Variants in KCNQ1 observed in about 807,000 individuals in gnomAD.
KCNQ1 encodes potassium voltage-gated channel subfamily KQT member 1.
Under a neutral mutation model 72.4 loss-of-function variants are expected in KCNQ1, and 49 were observed. The ratio of observed to expected loss-of-function variants is 0.68; its 90% CI spans 0.54 to 0.86. The LOEUF (loss-of-function observed/expected upper bound fraction) is 0.86, where lower values mean the gene tolerates loss of function less well. Among genes scored for constraint, KCNQ1 ranks in the 40% least tolerant of loss-of-function variants. The pLI is 0.00. For synonymous variants in KCNQ1, 450 were observed against 412.6 expected (o/e 1.09, Z -1.10); for missense variants, 790 against 945.1 (o/e 0.84, Z 2.15).
Position 2,647,386 on chromosome 11 carries a change from T to C in KCNQ1, c.1394-14575T>C. The C allele has an allele frequency of 2.5e-6, 1 of 398,576 alleles. No individual in the cohort carries two copies. The highest frequency in any genetic ancestry group is 4.4e-6 in the Non-Finnish European group (1 of 226,026). 24.7% of individuals were successfully genotyped at this position (398,576 alleles called of 1,614,324 possible). A position where few individuals can be genotyped will look rare whatever the true frequency, so the allele number is the denominator to read the frequency against. The stretch of plus-strand genomic sequence containing the variant: ...ATTGGATTCAGATTGCTAGTTTGTG[T>C]GTCTGTGTGTGTGTTTTGTTTCTGA... On this transcript the variant is annotated intron_variant, in intron 10 of 15. Transcript: ENST00000155840. The surrounding 1 kb of genome is among the most constrained non-coding windows in gnomAD (Gnocchi z 4.0).
intron 11 of KCNQ1, among the ~76,000 whole-genome samples, chr11:2,708,731 T>G (rs183101412): frequency 2.3e-4 from 35 of 152,240 alleles, no homozygotes; most frequent in Non-Finnish European, 4.9e-4. Flanking sequence ...GGCGGTCCAT[T>G]TCCATCTCCC....
chr11:2,827,633 A>AAG lies in KCNQ1; in HGVS notation c.1795-20134_1795-20133insAG, dbSNP rs1847865425. On this transcript the variant is annotated intron_variant, in intron 15 of 15. Transcript: ENST00000155840. The surrounding 1 kb of genome is among the most constrained non-coding windows in gnomAD (Gnocchi z 6.7). ...AGGGTTCTGTTGATTAAAAAAAAAA[A>AAG]GTGGGGTCGGGGGGGCGGGGGAGAG... Among the ~76,000 whole-genome samples the AAG allele has an allele frequency of 7.9e-5, 1 of 12,664 alleles. No individual in the cohort carries two copies. The highest frequency in any genetic ancestry group is 1.5e-4 in the Non-Finnish European group (1 of 6,460). The allele number at this position is 12,664 out of a possible 152,430, so 8.3% of individuals were successfully genotyped here. A position where few individuals can be genotyped will look rare whatever the true frequency, so the allele number is the denominator to read the frequency against.
In KCNQ1 at chr11:2,817,013, A is replaced by T. The variant is rs1386035884; in HGVS notation, c.1795-30754A>T. Among the ~76,000 whole-genome samples the T allele has an allele frequency of 1.3e-5, 2 of 152,030 alleles. No individual in the cohort carries two copies. The highest frequency in any genetic ancestry group is 1.3e-4 in the Admixed American group (2 of 15,272). Reference sequence around the variant, plus strand: ...GTGTCAGGGCTTGAGGTCAACAGGGAGGTCTCAGGGCAACAGAGCCCAGTG... The same window carrying T: ...GTGTCAGGGCTTGAGGTCAACAGGGTGGTCTCAGGGCAACAGAGCCCAGTG... On this transcript the variant is annotated intron_variant, in intron 15 of 15. Transcript: ENST00000155840. This position sits in a 1 kb window ranked among gnomAD's most constrained non-coding sequence, Gnocchi z 6.1.
Position 2,698,130 on chromosome 11 carries a change from G to C in KCNQ1, c.1514+36049G>C. 3 of 398,666 alleles carry C rather than the reference G, an allele frequency of 7.5e-6. No homozygotes were observed. The highest frequency in any genetic ancestry group is 1.3e-5 in the Non-Finnish European group (3 of 226,078). The allele number at this position is 398,666 out of a possible 1,614,324, so 24.7% of individuals were successfully genotyped here. A position where few individuals can be genotyped will look rare whatever the true frequency, so the allele number is the denominator to read the frequency against. ...CAGGCTCTTGGCTGGGTACAGAGCA[G>C]GCAGCAGAAAACAAAACAGAGTTCC... On this transcript the variant is annotated intron_variant, in intron 11 of 15. Transcript: ENST00000155840. This position sits in a 1 kb window ranked among gnomAD's most constrained non-coding sequence, Gnocchi z 5.1.
intron 11 of KCNQ1, chr11:2,689,413 A>G (rs1172706777): frequency 5.0e-6 from 2 of 398,440 alleles, no homozygotes; most frequent in Non-Finnish European, 8.8e-6. Context: ...GGAAATGGGG[A>G]GCATAGGGGA....
chr11:2,553,830 C>G (rs891639092), intron 2 of KCNQ1, among the ~76,000 whole-genome samples: 2 of 152,108 alleles, frequency 1.3e-5, no homozygotes, highest in African/African-American at 2.4e-5. Context: ...ATTCTCCTGC[C>G]TCAGCCTCCC....
chr11:2,630,513 A>T (rs2133815610), intron 10 of KCNQ1: 2 of 398,352 alleles, frequency 5.0e-6, no homozygotes, highest in South Asian at 2.5e-4. Flanking sequence ...TGATGCCCCA[A>T]GGTACACCTT....
intron 11 of KCNQ1, chr11:2,684,290 T>C (rs773427330): frequency 1.0e-5 from 4 of 398,582 alleles, no homozygotes; most frequent in Non-Finnish European, 1.8e-5. Flanking sequence ...GGCTGGAGCA[T>C]TGCAACTCAT....
rs163149 is a variant in KCNQ1, at chr11:2,776,200, G to C, written c.1685+146G>C. The C allele has an allele frequency of 0.51, 357,248 of 700,374 alleles. 92,541 individuals carry two copies. Among genetic ancestry groups the C allele is most frequent in the South Asian group, 0.59 (33,758 of 56,790 alleles). The allele number at this position is 700,374 out of a possible 1,614,324, so 43.4% of individuals were successfully genotyped here. A position where few individuals can be genotyped will look rare whatever the true frequency, so the allele number is the denominator to read the frequency against. ...CACCCCCTTCTCCTCACCACCCCCA[G>C]CCCTGCAGAGGGAGGGCAGCTGGCC... is the stretch of plus-strand genomic sequence containing the variant. On this transcript the variant is annotated intron_variant, in intron 13 of 15. Coordinates refer to ENST00000155840, the MANE Select transcript of KCNQ1 (RefSeq NM_000218.3).
chr11:2,571,263 C>G, intron 3 of KCNQ1, 62 bp from the exon 4 acceptor site: 1 of 1,370,272 alleles, frequency 7.3e-7, no homozygotes, highest in Non-Finnish European at 1.0e-6. Context: ...AGGGTGTATG[C>G]TCTTCCCTGG....
intron 15 of KCNQ1, among the ~76,000 whole-genome samples, chr11:2,794,088 C>G (rs528801835): frequency 4.6e-5 from 7 of 152,118 alleles, no homozygotes; most frequent in Non-Finnish European, 1.0e-4. Flanking sequence ...ATGGCCCGGC[C>G]GGGCCAAGGA....
In KCNQ1 at chr11:2,633,964, CA is replaced by C. The variant is rs1325118883; in HGVS notation, c.1394-27996del. 3.1e-4 allele frequency: 122 copies of C among 398,450 alleles called. No individual in the cohort carries two copies. Among genetic ancestry groups the C allele is most frequent in the African/African-American group, 2.3e-3 (113 of 48,618 alleles). 24.7% of individuals were successfully genotyped at this position (398,450 alleles called of 1,614,324 possible). A position where few individuals can be genotyped will look rare whatever the true frequency, so the allele number is the denominator to read the frequency against. On this transcript the variant is annotated intron_variant, in intron 10 of 15. Transcript: ENST00000155840. ...AAATCCACGTATAAATGAACCTATA[CA>C]GTTCAAATCTATGTTGTTGAAGAGT...
rs1335092563 is a variant in KCNQ1 at position 2,690,983 on chromosome 11, A to G, written c.1514+28902A>G. The G allele has an allele frequency of 5.0e-6, 2 of 398,582 alleles. No homozygotes were observed. The highest frequency in any genetic ancestry group is 4.1e-5 in the African/African-American group (2 of 48,654). The allele number at this position is 398,582 out of a possible 1,614,324, so 24.7% of individuals were successfully genotyped here. On this transcript the variant is annotated intron_variant, in intron 11 of 15. Coordinates refer to ENST00000155840, the MANE Select transcript of KCNQ1 (RefSeq NM_000218.3). This position sits in a 1 kb window ranked among gnomAD's most constrained non-coding sequence, Gnocchi z 5.1. ...GGGTATGTGTCAACAAAAGCCCACC[A>G]GACCATCAATGAAGTGGGCAAAAGC...
At position 2,471,292 on chromosome 11, in the gene KCNQ1, C is replaced by G. The variant is rs930717663; in HGVS notation, c.386+25808C>G. On this transcript the variant is annotated intron_variant, in intron 1 of 15. Transcript: ENST00000155840. This position sits in a 1 kb window ranked among gnomAD's most constrained non-coding sequence, Gnocchi z 4.8. Reference sequence around the variant, plus strand: ...GTGTTGCTCTGCAAGTGGGGATCAGCAGGGCTGTACCCCAAATGCTGCTTG... The same window carrying G: ...GTGTTGCTCTGCAAGTGGGGATCAGGAGGGCTGTACCCCAAATGCTGCTTG... Among the ~76,000 whole-genome samples, 1 of 152,096 alleles carries G rather than the reference C, an allele frequency of 6.6e-6. No homozygotes were observed. Among genetic ancestry groups the G allele is most frequent in the African/African-American group, 2.4e-5 (1 of 41,412 alleles).
intron 1 of KCNQ1, among the ~76,000 whole-genome samples, chr11:2,504,406 T>C (rs984272713): frequency 3.9e-5 from 6 of 151,994 alleles, no homozygotes. Context: ...TAAAACCTGG[T>C]ATTTGATAGC....
chr11:2,448,384 G>A (rs1196131706), intron 1 of KCNQ1, among the ~76,000 whole-genome samples: 1 of 152,212 alleles, frequency 6.6e-6, no homozygotes, highest in Non-Finnish European at 1.5e-5. Flanking sequence ...ACCCTCGCGG[G>A]TGCGTGTTAA....
In KCNQ1 at chr11:2,552,600, G is replaced by T. The variant is rs117743569; in HGVS notation, c.478-18028G>T. On this transcript the variant is annotated intron_variant, in intron 2 of 15. Coordinates refer to ENST00000155840, the MANE Select transcript of KCNQ1 (RefSeq NM_000218.3). The stretch of plus-strand genomic sequence containing the variant: ...GTCAATTCTACCAAAAAAAAAATTG[G>T]CTAGAATTTTGATTGGCATTGCATT... Among the ~76,000 whole-genome samples, 132 of 152,322 alleles carry T rather than the reference G, an allele frequency of 8.7e-4. 1 individual carries two copies. In the East Asian group the frequency reaches 0.016, roughly 18 times the overall value.
At position 2,803,007 on chromosome 11, in the gene KCNQ1, G is replaced by T. The variant is rs1404623398; in HGVS notation, c.1794+24970G>T. Among the ~76,000 whole-genome samples, 2 of 152,234 alleles carry T rather than the reference G, an allele frequency of 1.3e-5. No individual in the cohort carries two copies. Among genetic ancestry groups the T allele is most frequent in the Non-Finnish European group, 2.9e-5 (2 of 68,048 alleles). ...CAGCTCCACTTCGCCACCCAGAGGA[G>T]CTGGCCCTGGCCACTCTCTCAGAGC... On this transcript the variant is annotated intron_variant, in intron 15 of 15. Coordinates refer to ENST00000155840, the MANE Select transcript of KCNQ1 (RefSeq NM_000218.3). The surrounding 1 kb of genome is among the most constrained non-coding windows in gnomAD (Gnocchi z 6.4).
At chr11:2,465,502 T>C (rs1402793011) in intron 1 of KCNQ1, among the ~76,000 whole-genome samples, 1 of 152,196 alleles carries the variant, frequency 6.6e-6, no homozygotes, top group Non-Finnish European at 1.5e-5. Flanking sequence ...TTGTCTTGGT[T>C]GGGTAGAGGC....
Sources: gnomAD v4.1 joint callset for allele counts (sites outside exome capture counted in the v4.1 genomes callset) on GRCh38, gnomAD v4.1.1 for gene constraint, Gnocchi (gnomAD v3.1) non-coding constraint, MANE v1.5 for transcripts, NCBI Gene and HGNC (gene_info 2026-07-23, HGNC 2026-07-21) for gene names.